The following GMDS variants were observed in gnomAD, a reference collection of about 807,000 sequenced individuals.
GMDS encodes GDP-mannose 4,6-dehydratase, also known as GDP-mannose 4,6 dehydratase.
In GMDS, 20 loss-of-function variants were observed where a neutral mutation model predicts 49.9. The ratio of observed to expected loss-of-function variants is 0.40; its 90% confidence interval spans 0.28 to 0.58. GMDS has a LOEUF of 0.58. Ranked by LOEUF, GMDS falls within the 20% of genes least tolerant of loss-of-function variation. The probability of loss-of-function intolerance (pLI) is 0.42; values close to 1 mark genes in which losing one functional copy is unlikely to be tolerated. For missense variants in GMDS, 362 were observed against 481.4 expected (o/e 0.75, Z 2.32); for synonymous variants, 177 against 178.6 (o/e 0.99, Z 0.07).
At chr6:1,809,102 T>C (rs1770304884) in intron 7 of GMDS, among the ~76,000 whole-genome samples, 1 of 152,276 alleles carries the variant, frequency 6.6e-6, no homozygotes, top group South Asian at 2.1e-4. Flanking sequence ...ATTTACTAAA[T>C]GTCATATCTA....
chr6:1,710,531 G>T (rs1044442823), intron 9 of GMDS, among the ~76,000 whole-genome samples: 1 of 152,100 alleles, frequency 6.6e-6, no homozygotes, highest in African/African-American at 2.4e-5. Flanking sequence ...TGCCCTCTGG[G>T]GCTTCACCAA....
intron 7 of GMDS, among the ~76,000 whole-genome samples, chr6:1,855,891 G>A (rs779335643): frequency 2.0e-4 from 31 of 152,208 alleles, no homozygotes; most frequent in Middle Eastern, 6.8e-3. Flanking sequence ...ACAAACACAC[G>A]TATGGATGGA....
At chr6:1,671,367 C>T (rs750233643) in intron 9 of GMDS, among the ~76,000 whole-genome samples, 6 of 151,982 alleles carry the variant, frequency 3.9e-5, no homozygotes, top group Non-Finnish European at 8.8e-5. Flanking sequence ...GGGGTGCTCT[C>T]TGGGAAGCCC....
intron 8 of GMDS, among the ~76,000 whole-genome samples, chr6:1,736,932 AC>A (rs1257271640): frequency 2.6e-5 from 4 of 152,040 alleles, no homozygotes; most frequent in Admixed American, 2.0e-4. Context: ...TGCAGGATCC[AC>A]CCCCTGGAAC....
intron 7 of GMDS, among the ~76,000 whole-genome samples, chr6:1,782,693 A>C (rs1420235393): frequency 6.6e-6 from 1 of 152,264 alleles, no homozygotes; most frequent in African/African-American, 2.4e-5. Context: ...TTAGGAAGGA[A>C]TAAGTACGGG....
At chr6:1,680,545 C>A (rs181131959) in intron 9 of GMDS, among the ~76,000 whole-genome samples, 1 of 152,182 alleles carries the variant, frequency 6.6e-6, no homozygotes, top group Non-Finnish European at 1.5e-5. Flanking sequence ...ACTTCTCACA[C>A]GGAAAGCAGC....
intron 4 of GMDS, among the ~76,000 whole-genome samples, chr6:2,087,700 TTG>T (rs1773090671): frequency 6.6e-6 from 1 of 152,238 alleles, no homozygotes; most frequent in Non-Finnish European, 1.5e-5. Flanking sequence ...TGCTTGAATG[TTG>T]TTCACTTGCT....
intron 7 of GMDS, among the ~76,000 whole-genome samples, chr6:1,869,208 A>G (rs1486567404): frequency 6.6e-6 from 1 of 152,256 alleles, no homozygotes; most frequent in Non-Finnish European, 1.5e-5. Flanking sequence ...GGCACTAGGT[A>G]CATAAGGTCT....
chr6:2,111,562 A>G (rs889609744), intron 4 of GMDS, among the ~76,000 whole-genome samples: 1 of 152,154 alleles, frequency 6.6e-6, no homozygotes, highest in African/African-American at 2.4e-5. Context: ...TACTTTTAGC[A>G]TACCCTAGCC....
At chr6:1,872,693 G>T (rs915467989) in intron 7 of GMDS, among the ~76,000 whole-genome samples, 1 of 152,338 alleles carries the variant, frequency 6.6e-6, no homozygotes, top group Admixed American at 6.5e-5. Flanking sequence ...TAGCTAACTC[G>T]GTCAGAGGGC....
chr6:2,156,041 T>G (rs1777097316), intron 1 of GMDS, among the ~76,000 whole-genome samples: 1 of 152,194 alleles, frequency 6.6e-6, no homozygotes, highest in South Asian at 2.1e-4. Context: ...TTTTAATGAT[T>G]CCAGGAAGGA....
intron 9 of GMDS, among the ~76,000 whole-genome samples, chr6:1,692,347 T>C (rs1765202707): frequency 6.6e-6 from 1 of 152,252 alleles, no homozygotes; most frequent in African/African-American, 2.4e-5. Context: ...CCTAATAAAC[T>C]ACCCTTCATA....
intron 9 of GMDS, among the ~76,000 whole-genome samples, chr6:1,667,960 C>A (rs968444179): frequency 3.9e-5 from 6 of 152,202 alleles, no homozygotes; most frequent in African/African-American, 1.4e-4. Flanking sequence ...TCACAGTTAT[C>A]TCCACATCAC....
chr6:2,066,921 A>C (rs1347978927), intron 4 of GMDS, among the ~76,000 whole-genome samples: 5 of 152,036 alleles, frequency 3.3e-5, no homozygotes, highest in Non-Finnish European at 7.3e-5. Flanking sequence ...GACCTAATAC[A>C]CATCTACAGA....
At chr6:1,809,129 T>A (rs773338776) in intron 7 of GMDS, among the ~76,000 whole-genome samples, 1 of 152,244 alleles carries the variant, frequency 6.6e-6, no homozygotes, top group Non-Finnish European at 1.5e-5. Context: ...GAGGGATTTA[T>A]GTTTTTTCAA....
chr6:2,212,707 TAA>T (rs35503764), intron 1 of GMDS, among the ~76,000 whole-genome samples: 11,098 of 113,468 alleles, frequency 0.098, 488 homozygotes, highest in East Asian at 0.23. Flanking sequence ...GATTAACTTG[TAA>T]AAAAAAAAAA....
At chr6:1,729,086 G>A (rs1766697302) in intron 8 of GMDS, among the ~76,000 whole-genome samples, 1 of 152,158 alleles carries the variant, frequency 6.6e-6, no homozygotes, top group African/African-American at 2.4e-5. Context: ...CTGAAGGAAA[G>A]CATTTAATTC....
At chr6:1,756,222 AATAAGCC>A (rs1767934708) in intron 7 of GMDS, among the ~76,000 whole-genome samples, 1 of 152,182 alleles carries the variant, frequency 6.6e-6, no homozygotes, top group South Asian at 2.1e-4. Flanking sequence ...GCTGATGCTT[AATAAGCC>A]ATCCCAAAGC....
At chr6:1,901,480 G>A (rs971520185) in intron 7 of GMDS, among the ~76,000 whole-genome samples, 1 of 152,124 alleles carries the variant, frequency 6.6e-6, no homozygotes, top group Non-Finnish European at 1.5e-5. Flanking sequence ...AGGAGGTCAG[G>A]CCACCTATTT....
Sources: allele counts gnomAD v4.1 joint callset (sites outside exome capture counted in the v4.1 genomes callset), GRCh38; gene constraint gnomAD v4.1.1; transcripts MANE v1.5; gene names NCBI Gene and HGNC (gene_info 2026-07-23, HGNC 2026-07-21).